The following SOHLH1 variants were observed in gnomAD, a reference collection of about 807,000 sequenced individuals.
SOHLH1 encodes spermatogenesis- and oogenesis-specific basic helix-loop-helix-containing protein 1.
Under a neutral mutation model 36.2 loss-of-function variants are expected in SOHLH1, and 23 were observed. That is an observed-to-expected ratio of 0.64 (90% CI 0.46 to 0.90). SOHLH1 has a LOEUF of 0.90. SOHLH1 is among the 40% of genes least tolerant of loss of function. SOHLH1 has a pLI of 0.00. For synonymous variants in SOHLH1, 289 were observed against 228.3 expected (o/e 1.27, Z -2.40); for missense variants, 608 against 517.0 (o/e 1.18, Z -1.71).
Position 135,698,451 on chromosome 9 carries a change from G to T in SOHLH1, c.223C>A (p.Arg75Ser). 6.2e-7 allele frequency: 1 copy of T among 1,613,198 alleles called. No homozygotes were observed. Among genetic ancestry groups the T allele is most frequent in the South Asian group, 1.1e-5 (1 of 91,086 alleles). Residue 75 changes from arginine to serine, a missense_variant, in exon 3 of 8, where the codon CGT (arginine) becomes AGT (serine). Physicochemically the swap from Arg to Ser is moderately radical, Grantham distance 110. Coordinates refer to ENST00000425225, the MANE Select transcript of SOHLH1 (RefSeq NM_001101677.2). ...RRKRMSLSCE[R>S]LRALLPQFDG... ...AACTGGGGCAGCAGGGCCCGCAGAC[G>T]CTCACAGCTCAACGACATCCGCTTC...
In SOHLH1 at chr9:135,697,413, G is replaced by A. The variant is rs1000205958; in HGVS notation, c.467+93C>T. On this transcript the variant is annotated intron_variant, in intron 4 of 7. Transcript: ENST00000425225. ...CTGCGGAGGCCAAGCCGGGCCTCCAGGCCACACCCTCCCGAGGACATGCCA... is the reference window on the plus strand; with the variant it reads ...CTGCGGAGGCCAAGCCGGGCCTCCAAGCCACACCCTCCCGAGGACATGCCA... 1.4e-5 allele frequency: 21 copies of A among 1,553,662 alleles called. 1 individual carries two copies. The South Asian group carries it at 1.7e-4, about 12-fold the overall frequency.
At chr9:135,701,235 C>T (rs944882651), upstream of SOHLH1, among the ~76,000 whole-genome samples, 1 of 152,186 alleles carries the variant, frequency 6.6e-6, no homozygotes, top group Non-Finnish European at 1.5e-5. Context: ...CCACCCACCC[C>T]TCAAAAGCAT....
chr9:135,699,651 G>A (rs756952727), upstream of SOHLH1: 11 of 667,762 alleles, frequency 1.6e-5, no homozygotes, highest in Non-Finnish European at 2.9e-5. Context: ...GGGCCCACGT[G>A]ACCCGCGTTC....
intron 5 of SOHLH1, among the ~76,000 whole-genome samples, chr9:135,695,764 A>C (rs551687080): frequency 1.5e-4 from 23 of 152,236 alleles, no homozygotes; most frequent in African/African-American, 5.3e-4. Context: ...CTACCACAGC[A>C]GGGGCCGAGG....
Position 135,699,445 on chromosome 9 carries a change from G to T in SOHLH1, c.23C>A (p.Pro8His). MASRCSE[P>H]YPEVSRIPTV... The stretch of plus-strand genomic sequence containing the variant: ...AGGGATTCTGGAGACCTCCGGGTAG[G>T]GCTCGGAGCACCGGGACGCCATGAA... The change falls in exon 1 of 8, where the codon CCC becomes CAC. Residue 8 changes from proline (P) to histidine (H), a missense_variant. Physicochemically the swap from Pro to His is moderately conservative, Grantham distance 77. Transcript: ENST00000425225. The T allele has an allele frequency of 6.2e-7, 1 of 1,612,240 alleles. No individual in the cohort carries two copies. The highest frequency in any genetic ancestry group is 8.5e-7 in the Non-Finnish European group (1 of 1,179,774).
chr9:135,695,458 A>G (rs891980637), intron 5 of SOHLH1, among the ~76,000 whole-genome samples, 195 bp from the exon 6 acceptor site: 1 of 151,666 alleles, frequency 6.6e-6, no homozygotes, highest in Non-Finnish European at 1.5e-5. Flanking sequence ...AAAGATGAAC[A>G]CCCAGAGGTG....
chr9:135,695,355 A>C, intron 5 of SOHLH1, 92 bp from the exon 6 acceptor site: 1 of 1,222,718 alleles, frequency 8.2e-7, no homozygotes, highest in Non-Finnish European at 1.2e-6. Context: ...CGGTCCACTC[A>C]CACTGACCGA....
chr9:135,695,938 A>G (rs937574764), intron 5 of SOHLH1, among the ~76,000 whole-genome samples: 2 of 146,766 alleles, frequency 1.4e-5, no homozygotes, highest in East Asian at 3.9e-4. Flanking sequence ...GCCAGGCAGC[A>G]TAGGCGGAAG....
intron 4 of SOHLH1, among the ~76,000 whole-genome samples, chr9:135,697,113 C>T (rs977831286): frequency 2.0e-5 from 3 of 152,238 alleles, no homozygotes; most frequent in Admixed American, 6.5e-5. Flanking sequence ...AGTCCTTCAA[C>T]CTGGGGAGCT....
intron 5 of SOHLH1, among the ~76,000 whole-genome samples, chr9:135,695,856 G>A (rs1213653788): frequency 6.6e-6 from 1 of 152,184 alleles, no homozygotes; most frequent in Non-Finnish European, 1.5e-5. Context: ...AGGGACAAAG[G>A]CCCCGGGTGG....
intron 1 of SOHLH1, 58 bp downstream of exon 1, chr9:135,699,345 A>G: frequency 6.4e-7 from 1 of 1,564,468 alleles, no homozygotes; most frequent in South Asian, 1.2e-5. Context: ...CTTGCGGAAG[A>G]ACCCCTGGGT....
chr9:135,700,991 G>C (rs1336788700), upstream of SOHLH1, among the ~76,000 whole-genome samples: 1 of 152,244 alleles, frequency 6.6e-6, no homozygotes, highest in African/African-American at 2.4e-5. Flanking sequence ...AATCACAGAT[G>C]CAGATGGTGC....
chr9:135,700,273 C>T (rs1289812700), upstream of SOHLH1, among the ~76,000 whole-genome samples: 8 of 152,200 alleles, frequency 5.3e-5, no homozygotes, highest in Admixed American at 5.2e-4. Context: ...CAGAAAGCTC[C>T]GGCGCCAGGT....
At chr9:135,696,359 C>T (rs1051515841) in intron 5 of SOHLH1, among the ~76,000 whole-genome samples, 9 of 152,102 alleles carry the variant, frequency 5.9e-5, no homozygotes, top group Non-Finnish European at 7.4e-5. Flanking sequence ...GTGGCCTTTG[C>T]CCAGGACTCT....
chr9:135,698,565 T>C (rs1202853869), intron 2 of SOHLH1, 89 bp from the exon 3 acceptor site: 2 of 1,585,884 alleles, frequency 1.3e-6, no homozygotes, highest in Admixed American at 3.4e-5. Flanking sequence ...AGATAGACCC[T>C]GGGCGCTTGT....
At chr9:135,701,745 G>T (rs1004862085), upstream of SOHLH1, among the ~76,000 whole-genome samples, 3 of 152,188 alleles carry the variant, frequency 2.0e-5, no homozygotes, top group Non-Finnish European at 4.4e-5. Context: ...GAGTCGTCTT[G>T]AATCTGGCTT....
Position 135,698,986 on chromosome 9 carries a change from A to AC in SOHLH1, c.197+8dup, listed in dbSNP as rs1834920534. The stretch of plus-strand genomic sequence containing the variant: ...AGCGCCCTCACCCCTGGGAGGCACC[A>AC]CCACTCACCTGCGCTCCCTCTCGCT... On this transcript the variant is annotated intron_variant, in intron 2 of 7. Transcript: ENST00000425225. 1 of 1,611,138 alleles carries AC rather than the reference A, an allele frequency of 6.2e-7. No individual in the cohort carries two copies. Among genetic ancestry groups the AC allele is most frequent in the South Asian group, 1.1e-5 (1 of 91,012 alleles).
intron 1 of SOHLH1, 112 bp downstream of exon 1, chr9:135,699,291 C>T (rs1462918452): frequency 1.3e-6 from 2 of 1,496,614 alleles, no homozygotes; most frequent in Non-Finnish European, 1.8e-6. Flanking sequence ...TCCCAGGGTC[C>T]AGGGCTCCGC....
intron 1 of SOHLH1, 137 bp downstream of exon 1, chr9:135,699,266 G>GCACCC: frequency 6.7e-7 from 1 of 1,494,300 alleles, no homozygotes; most frequent in South Asian, 1.2e-5. Flanking sequence ...GGCCCTCTCT[G>GCACCC]CACCCCTTCC....
Sources: gnomAD v4.1 joint callset for allele counts (sites outside exome capture counted in the v4.1 genomes callset) on GRCh38, gnomAD v4.1.1 for gene constraint, MANE v1.5 for transcripts, NCBI Gene and HGNC (gene_info 2026-07-23, HGNC 2026-07-21) for gene names.